RNF220: variants seen among roughly 807,000 people sequenced by gnomAD.
RNF220 encodes ring finger protein 220.
In RNF220, 7 loss-of-function variants were observed where a neutral mutation model predicts 67.1. The ratio of observed to expected loss-of-function variants is 0.10; its 90% confidence interval spans 0.06 to 0.20. The LOEUF (loss-of-function observed/expected upper bound fraction) is 0.20, where lower values mean the gene tolerates loss of function less well. Among genes scored for constraint, RNF220 ranks in the 10% least tolerant of loss-of-function variants. The pLI, the probability that RNF220 is intolerant of heterozygous loss-of-function variation, is 1.00. For synonymous variants in RNF220, 270 were observed against 283.2 expected (o/e 0.95, Z 0.47); for missense variants, 565 against 740.3 (o/e 0.76, Z 2.75).
At chr1:44,512,401 G>A (rs1310015456) in intron 2 of RNF220, among the ~76,000 whole-genome samples, 2 of 152,194 alleles carry the variant, frequency 1.3e-5, no homozygotes, top group East Asian at 3.9e-4. Context: ...CCTGGAAGCT[G>A]CCTTGCTTTG....
At chr1:44,458,707 A>G (rs1653453332) in intron 2 of RNF220, among the ~76,000 whole-genome samples, 1 of 152,224 alleles carries the variant, frequency 6.6e-6, no homozygotes, top group Non-Finnish European at 1.5e-5. Flanking sequence ...ATTGGTTTAC[A>G]TAATGTTTAA....
chr1:44,437,225 C>A (rs376535230), intron 2 of RNF220, among the ~76,000 whole-genome samples: 1 of 152,138 alleles, frequency 6.6e-6, no homozygotes. Context: ...AAGCTAAAGT[C>A]GATTGCATAG....
chr1:44,461,208 C>G (rs144108732), intron 2 of RNF220, among the ~76,000 whole-genome samples: 2,470 of 152,118 alleles, frequency 0.016, 40 homozygotes, highest in South Asian at 0.048. Flanking sequence ...ATTGATGGTG[C>G]CTACACCAAG....
At chr1:44,465,230 C>T (rs77986596) in intron 2 of RNF220, among the ~76,000 whole-genome samples, 1 of 151,996 alleles carries the variant, frequency 6.6e-6, no homozygotes, top group African/African-American at 2.4e-5. Context: ...CCTCCCACTG[C>T]GACACCAGTG....
At chr1:44,418,611 GATT>G (rs1285154371) in intron 2 of RNF220, among the ~76,000 whole-genome samples, 1 of 134,352 alleles carries the variant, frequency 7.4e-6, no homozygotes, top group Non-Finnish European at 1.6e-5. Context: ...GCCCCAGGTT[GATT>G]ATTTGGTGGC....
At chr1:44,631,476 G>A (rs1019113215) in intron 5 of RNF220, among the ~76,000 whole-genome samples, 1 of 152,232 alleles carries the variant, frequency 6.6e-6, no homozygotes, top group African/African-American at 2.4e-5. Flanking sequence ...TCTGTTTGGA[G>A]GATACTGAGT....
intron 2 of RNF220, among the ~76,000 whole-genome samples, chr1:44,508,960 C>G (rs891647180): frequency 1.3e-5 from 2 of 152,104 alleles, no homozygotes; most frequent in African/African-American, 4.8e-5. Context: ...TGGGGCATCC[C>G]CTGGAGGGCA....
At chr1:44,452,478 C>CGG (rs1209748326) in intron 2 of RNF220, among the ~76,000 whole-genome samples, 1 of 152,062 alleles carries the variant, frequency 6.6e-6, no homozygotes, top group African/African-American at 2.4e-5. Flanking sequence ...TGCTTGAACC[C>CGG]GGTAGGCAGA....
At chr1:44,557,148 A>G (rs2148277270) in intron 2 of RNF220, among the ~76,000 whole-genome samples, 1 of 146,502 alleles carries the variant, frequency 6.8e-6, no homozygotes, top group Admixed American at 6.9e-5. Flanking sequence ...ATACGTATGT[A>G]TATATAATAT....
chr1:44,639,014 C>T (rs996689351), intron 8 of RNF220, among the ~76,000 whole-genome samples: 1 of 152,206 alleles, frequency 6.6e-6, no homozygotes, highest in African/African-American at 2.4e-5. Context: ...TGCTACTGCT[C>T]TTTACATAAA....
chr1:44,631,674 T>A (rs994729547), intron 5 of RNF220: 2 of 156,384 alleles, frequency 1.3e-5, no homozygotes, highest in Non-Finnish European at 2.8e-5. Flanking sequence ...CCCAACGCGA[T>A]GCCTCTGCCC....
At chr1:44,466,128 T>C (rs114834542) in intron 2 of RNF220, among the ~76,000 whole-genome samples, 4,339 of 152,328 alleles carry the variant, frequency 0.028, 73 homozygotes, top group Middle Eastern at 0.054. Flanking sequence ...TTATGTAAGA[T>C]TCTAAATTCT....
intron 2 of RNF220, among the ~76,000 whole-genome samples, chr1:44,610,675 C>T (rs986827324): frequency 2.6e-5 from 4 of 152,156 alleles, no homozygotes; most frequent in Admixed American, 2.0e-4. Context: ...CTCGGCCTGC[C>T]CACCTGTGGT....
chr1:44,451,889 G>A (rs954764477), intron 2 of RNF220, among the ~76,000 whole-genome samples: 1 of 152,222 alleles, frequency 6.6e-6, no homozygotes, highest in Admixed American at 6.5e-5. Flanking sequence ...AAAGTGCTGG[G>A]ATTACAGGCG....
chr1:44,468,103 T>A lies in RNF220; in HGVS notation c.625+55381T>A, dbSNP rs887388705. ...CATCAAAGATCAAGAATTACCAAAATGTGACGCAGACACAAAGTGAGCACG... is the reference window on the plus strand; with the variant it reads ...CATCAAAGATCAAGAATTACCAAAAAGTGACGCAGACACAAAGTGAGCACG... On this transcript the variant is annotated intron_variant, in intron 2 of 14. Transcript: ENST00000361799. 8.6e-5 allele frequency among the ~76,000 whole-genome samples: 11 copies of A among 128,128 alleles called. 1 individual carries two copies. Among genetic ancestry groups the A allele is most frequent in the African/African-American group, 3.1e-4 (11 of 35,458 alleles). 84.1% of individuals were successfully genotyped at this position (128,128 alleles called of 152,430 possible).
chr1:44,424,436 T>G (rs1281729411), intron 2 of RNF220, among the ~76,000 whole-genome samples: 2 of 152,046 alleles, frequency 1.3e-5, no homozygotes, highest in Non-Finnish European at 2.9e-5. Flanking sequence ...CAAGTAGCCA[T>G]CCTAGGTGAT....
chr1:44,467,066 C>G (rs947445270), intron 2 of RNF220, among the ~76,000 whole-genome samples: 1 of 152,204 alleles, frequency 6.6e-6, no homozygotes, highest in Non-Finnish European at 1.5e-5. Context: ...GTGCAGCCAC[C>G]TTCTTCAATT....
At chr1:44,605,644 A>G (rs1667221908) in intron 2 of RNF220, among the ~76,000 whole-genome samples, 1 of 152,206 alleles carries the variant, frequency 6.6e-6, no homozygotes, top group South Asian at 2.1e-4. Context: ...AAGGGCTGTG[A>G]TAGAAGTAGC....
intron 2 of RNF220, among the ~76,000 whole-genome samples, chr1:44,482,990 G>T (rs1161624769): frequency 2.8e-5 from 4 of 142,846 alleles, no homozygotes; most frequent in Non-Finnish European, 4.5e-5. Flanking sequence ...GAGCGCAGTG[G>T]AACGATCGTG....
Sources: gnomAD v4.1 joint callset for allele counts (sites outside exome capture counted in the v4.1 genomes callset) on GRCh38, gnomAD v4.1.1 for gene constraint, MANE v1.5 for transcripts, NCBI Gene and HGNC (gene_info 2026-07-23, HGNC 2026-07-21) for gene names.